NXF1: variants seen among roughly 807,000 people sequenced by gnomAD.
NXF1 encodes the protein mRNA export factor TAP.
In NXF1, 43 loss-of-function variants were observed where a neutral mutation model predicts 92.4. The ratio of observed to expected loss-of-function variants is 0.47; its 90% CI spans 0.36 to 0.60. The LOEUF (loss-of-function observed/expected upper bound fraction) is 0.60, where lower values mean the gene tolerates loss of function less well. Ranked by LOEUF, NXF1 falls within the 20% of genes least tolerant of loss-of-function variation. NXF1 has a pLI of 0.00. For synonymous variants in NXF1, 288 were observed against 292.2 expected (o/e 0.99, Z 0.15); for missense variants, 576 against 793.0 (o/e 0.73, Z 3.29).
intron 10 of NXF1, chr11:62,799,912 G>GC: frequency 3.0e-6 from 3 of 987,804 alleles, no homozygotes; most frequent in Non-Finnish European, 3.6e-6. Context: ...CCCTCTTGGC[G>GC]CAAGGGCAAG....
At position 62,800,441 on chromosome 11, in the gene NXF1, C is replaced by G; in HGVS notation, c.952G>C (p.Glu318Gln). 6.2e-7 allele frequency: 1 copy of G among 1,614,070 alleles called. No individual in the cohort carries two copies. Among genetic ancestry groups the G allele is most frequent in the Non-Finnish European group, 8.5e-7 (1 of 1,180,000 alleles). Residue 318 changes from glutamate to glutamine, a missense_variant, in exon 10 of 21, where the codon GAA becomes CAA. By Grantham distance (29) the Glu-to-Gln change is conservative. Transcript: ENST00000294172. ...ELDKIKGLKL[E>Q]ELWLDGNSLC... ...GAGTTTCCATCGAGCCAGAGCTCTT[C>G]TAGCTTCAGCCCCTTTATCTTGTCC...
At chr11:62,802,974 C>A (rs2084495422) in intron 3 of NXF1, among the ~76,000 whole-genome samples, 1 of 152,104 alleles carries the variant, frequency 6.6e-6, no homozygotes, top group South Asian at 2.1e-4. Flanking sequence ...TTGGAAGATA[C>A]TGATTCCTAG....
At position 62,797,084 on chromosome 11, in the gene NXF1, CAAAACAA is replaced by C. The variant is rs2084429197; in HGVS notation, c.1178+92_1178+98del. The C allele has an allele frequency of 5.6e-6, 4 of 714,598 alleles. No homozygotes were observed. In the African/African-American group the frequency reaches 6.0e-5, roughly 11 times the overall value. The allele number at this position is 714,598 out of a possible 1,614,324, so 44.3% of individuals were successfully genotyped here. ...CACTGTCCAAAAAAAAAAAAAAAAA[CAAAACAA>C]AAAACAAAACAAAAAGATTGATGTG... On this transcript the variant is annotated intron_variant, in intron 13 of 20. Coordinates refer to ENST00000294172, the MANE Select transcript of NXF1 (RefSeq NM_006362.5).
intron 9 of NXF1, among the ~76,000 whole-genome samples, 168 bp from the exon 10 acceptor site, chr11:62,800,654 G>A (rs2084469167): frequency 6.8e-6 from 1 of 148,020 alleles, no homozygotes; most frequent in Non-Finnish European, 1.5e-5. Context: ...CCCAAGTTCA[G>A]TGCCGTGGCA....
chr11:62,796,422 C>G, intron 14 of NXF1, 38 bp downstream of exon 14: 1 of 1,612,902 alleles, frequency 6.2e-7, no homozygotes, highest in South Asian at 1.1e-5. Context: ...GCTGGGAAAC[C>G]CAGTGGTCCC....
At chr11:62,801,713 A>C (rs769797501) in intron 6 of NXF1, 26 bp downstream of exon 6, 2 of 1,611,642 alleles carry the variant, frequency 1.2e-6, no homozygotes, top group Non-Finnish European at 1.7e-6. Flanking sequence ...ACTGGGTTGG[A>C]AACATCTAAT....
chr11:62,797,430 T>G, intron 11 of NXF1, 44 bp from the exon 12 acceptor site: 3 of 1,551,578 alleles, frequency 1.9e-6, no homozygotes, highest in Non-Finnish European at 2.7e-6. Context: ...CTGGGCCCAG[T>G]GGCTCACACC....
rs2084448759 is a variant in NXF1 at position 62,798,853 on chromosome 11, T to C, written c.1017-278A>G. The C allele has an allele frequency of 6.4e-6, 8 of 1,252,216 alleles. No individual in the cohort carries two copies. In the South Asian group the frequency reaches 7.4e-5, roughly 12 times the overall value. The allele number at this position is 1,252,216 out of a possible 1,614,324, so 77.6% of individuals were successfully genotyped here. On this transcript the variant is annotated intron_variant, in intron 10 of 20. Transcript: ENST00000294172. ...GCCCAGGCTTTAAGCCCAGGACCTC[T>C]TTCCCCTCCCTGCCCCCCTTACCTT...
chr11:62,804,307 A>C, intron 1 of NXF1: 1 of 946,306 alleles, frequency 1.1e-6, no homozygotes, highest in Non-Finnish European at 1.5e-6. Context: ...TCTGCCACTC[A>C]GTACTTTGTC....
intron 10 of NXF1, chr11:62,799,695 C>T (rs2084458072): frequency 4.1e-6 from 4 of 986,070 alleles, no homozygotes; most frequent in Non-Finnish European, 4.8e-6. Context: ...GTGGCCTCCA[C>T]GCCCAGCACC....
intron 13 of NXF1, 33 bp from the exon 14 acceptor site, chr11:62,796,600 C>T (rs1435211573): frequency 7.0e-7 from 1 of 1,437,994 alleles, no homozygotes; most frequent in Admixed American, 1.7e-5. Context: ...AGTATGGGCT[C>T]TGTGGTCTAC....
intron 10 of NXF1, chr11:62,798,912 G>C (rs761615212): frequency 6.5e-5 from 72 of 1,112,666 alleles, no homozygotes; most frequent in Non-Finnish European, 7.6e-5. Flanking sequence ...CGGGAGGAGG[G>C]AATGGGGTGG....
In NXF1 at chr11:62,798,438, A is replaced by T; in HGVS notation, c.1053+101T>A. 29 of 1,049,804 alleles carry T rather than the reference A, an allele frequency of 2.8e-5. No individual in the cohort carries two copies. The African/African-American group carries it at 3.2e-4, about 12-fold the overall frequency. The allele number at this position is 1,049,804 out of a possible 1,614,324, so 65.0% of individuals were successfully genotyped here. ...GACGAGTGAAACTCCGTCTCAAATA[A>T]AAAAAAAAAAAAGAAAAAGAAAAAG... is the stretch of plus-strand genomic sequence containing the variant. On this transcript the variant is annotated intron_variant, in intron 11 of 20. Coordinates refer to ENST00000294172, the MANE Select transcript of NXF1 (RefSeq NM_006362.5).
At chr11:62,802,352 T>A in intron 3 of NXF1, 92 bp from the exon 4 acceptor site, 1 of 1,001,248 alleles carries the variant, frequency 1.0e-6, no homozygotes, top group African/African-American at 1.6e-5. Flanking sequence ...TACCAAACTT[T>A]TAAAGACTAT....
intron 3 of NXF1, 71 bp from the exon 4 acceptor site, chr11:62,802,331 T>C: frequency 7.8e-7 from 1 of 1,280,900 alleles, no homozygotes; most frequent in South Asian, 1.2e-5. Flanking sequence ...TACAATGCCT[T>C]TTATACCTTC....
rs372066032 is a variant in NXF1, at chr11:62,802,246, T to C, written c.384A>G (p.Arg128=). Residue 128 remains arginine (R), a synonymous_variant, in exon 4 of 21, where the codon AGA becomes AGG. Transcript: ENST00000294172. ...NWFKITIPYG[R]KYDKAWLLSM... ...TCAGGAGCCATGCCTTGTCATACTT[T>C]CTGCCATAAGGAATCTAGAAATGAG... The C allele has an allele frequency of 1.2e-6, 2 of 1,614,134 alleles. No homozygotes were observed. Among genetic ancestry groups the C allele is most frequent in the East Asian group, 2.2e-5 (1 of 44,890 alleles).
intron 3 of NXF1, among the ~76,000 whole-genome samples, chr11:62,802,753 C>A (rs2084492278): frequency 6.6e-6 from 1 of 151,740 alleles, no homozygotes; most frequent in African/African-American, 2.4e-5. Context: ...CACTTATAAT[C>A]TCTCAAAAAA....
At chr11:62,793,001 ATTT>A (rs1339232742) in intron 19 of NXF1, among the ~76,000 whole-genome samples, 1 of 152,032 alleles carries the variant, frequency 6.6e-6, no homozygotes, top group Non-Finnish European at 1.5e-5. Context: ...AGGAACTTCC[ATTT>A]TACCTTTAAA....
Position 62,801,193 on chromosome 11 carries a change from G to C in NXF1, c.807C>G (p.Ser269=), listed in dbSNP as rs760207921. ...ACAGCCTGTTGTTGCTCAAGTTCAAGGACAATAGCTGTGAGGAGAGAAGAG... is the reference window on the plus strand; with the variant it reads ...ACAGCCTGTTGTTGCTCAAGTTCAACGACAATAGCTGTGAGGAGAGAAGAG... The part of the protein sequence containing the change: ...IIEENIPELL[S]LNLSNNRLYR... Residue 269 remains serine, a synonymous_variant, in exon 9 of 21, where the codon TCC becomes TCG. Transcript: ENST00000294172. 2 of 1,614,100 alleles carry C rather than the reference G, an allele frequency of 1.2e-6. No homozygotes were observed. The highest frequency in any genetic ancestry group is 4.5e-5 in the East Asian group (2 of 44,888).
Sources: allele counts gnomAD v4.1 joint callset (sites outside exome capture counted in the v4.1 genomes callset), GRCh38; gene constraint gnomAD v4.1.1; transcripts MANE v1.5; gene names NCBI Gene and HGNC (gene_info 2026-07-23, HGNC 2026-07-21).